Variants in COMMD1 observed in about 807,000 individuals in gnomAD.
COMMD1 encodes the protein COMM domain-containing protein 1.
COMMD1 carries 10 observed loss-of-function variants against 17.2 expected under a neutral mutation model. That is an observed-to-expected ratio of 0.58 (90% CI 0.36 to 0.99). The LOEUF is 0.99. COMMD1 is among the 50% of genes least tolerant of loss of function. COMMD1 has a pLI of 0.01. For missense variants in COMMD1, 270 were observed against 231.8 expected (o/e 1.17, Z -1.07); for synonymous variants, 97 against 91.6 (o/e 1.06, Z -0.34).
intron 2 of COMMD1, among the ~76,000 whole-genome samples, chr2:62,012,270 T>TAA (rs1440427838): frequency 1.5e-5 from 2 of 129,896 alleles, no homozygotes; most frequent in Non-Finnish European, 3.2e-5. Context: ...CACACACACA[T>TAA]ACACACACAC....
chr2:61,947,272 T>C (rs141031985), intron 1 of COMMD1, among the ~76,000 whole-genome samples: 39 of 152,368 alleles, frequency 2.6e-4, no homozygotes, highest in African/African-American at 8.7e-4. Context: ...ATATATTTAA[T>C]GAATACCTGT....
At chr2:61,911,173 T>C (rs1669896879) in intron 1 of COMMD1, among the ~76,000 whole-genome samples, 1 of 151,524 alleles carries the variant, frequency 6.6e-6, no homozygotes, top group Non-Finnish European at 1.5e-5. Context: ...TTTATATCAA[T>C]CAAATGTTAA....
intron 2 of COMMD1, among the ~76,000 whole-genome samples, chr2:62,085,095 A>AG (rs1558592262): frequency 6.6e-6 from 1 of 152,240 alleles, no homozygotes; most frequent in African/African-American, 2.4e-5. Flanking sequence ...TAAAGAGGTT[A>AG]GAATCTCTTT....
intron 2 of COMMD1, among the ~76,000 whole-genome samples, chr2:62,094,904 A>T (rs1671958322): frequency 6.6e-6 from 1 of 152,192 alleles, no homozygotes; most frequent in South Asian, 2.1e-4. Flanking sequence ...TTCAAATGGC[A>T]ATTTTATATT....
chr2:61,930,037 C>A (rs771552011), intron 1 of COMMD1, among the ~76,000 whole-genome samples: 1 of 152,016 alleles, frequency 6.6e-6, no homozygotes, highest in South Asian at 2.1e-4. Flanking sequence ...TCCTCCCCTA[C>A]AACCTTTTCT....
intron 1 of COMMD1, among the ~76,000 whole-genome samples, chr2:61,948,530 G>C (rs1670971042): frequency 6.6e-6 from 1 of 152,130 alleles, no homozygotes; most frequent in Admixed American, 6.5e-5. Context: ...ACAGACAAAA[G>C]CAGAGAATAT....
intron 2 of COMMD1, among the ~76,000 whole-genome samples, chr2:62,085,221 A>ATTTTTT (rs36006181): frequency 6.9e-6 from 1 of 144,414 alleles, no homozygotes; most frequent in Admixed American, 6.9e-5. Context: ...TACAGTTTGA[A>ATTTTTT]TTTTTTTTTT....
chr2:62,006,699 A>G (rs1455200733), intron 2 of COMMD1, among the ~76,000 whole-genome samples: 4 of 152,222 alleles, frequency 2.6e-5, no homozygotes, highest in Non-Finnish European at 5.9e-5. Context: ...GCCATAAATC[A>G]CTGTGAGATC....
intron 2 of COMMD1, among the ~76,000 whole-genome samples, chr2:62,063,753 A>G (rs533005716): frequency 5.3e-5 from 8 of 151,452 alleles, no homozygotes; most frequent in South Asian, 2.1e-4. Flanking sequence ...GGAGACTTCA[A>G]TATAGTGATT....
chr2:62,115,617 A>G (rs1200275731), intron 2 of COMMD1, among the ~76,000 whole-genome samples: 3 of 152,198 alleles, frequency 2.0e-5, no homozygotes, highest in Admixed American at 6.5e-5. Flanking sequence ...ACTGTATTAG[A>G]TAGTATTTAT....
At chr2:62,064,401 T>C in intron 2 of COMMD1, among the ~76,000 whole-genome samples, 1 of 152,160 alleles carries the variant, frequency 6.6e-6, no homozygotes, top group South Asian at 2.1e-4. Context: ...CTCGAATGCC[T>C]GACCTCGAGG....
intron 2 of COMMD1, among the ~76,000 whole-genome samples, chr2:62,004,854 T>G (rs1326104683): frequency 6.6e-6 from 1 of 152,218 alleles, no homozygotes; most frequent in Non-Finnish European, 1.5e-5. Flanking sequence ...GTTTTCACAC[T>G]GCTGACATTG....
At chr2:62,056,793 A>G (rs750615152) in intron 2 of COMMD1, among the ~76,000 whole-genome samples, 1 of 152,224 alleles carries the variant, frequency 6.6e-6, no homozygotes, top group Non-Finnish European at 1.5e-5. Flanking sequence ...TGAATAAGCC[A>G]GTGGAATCGA....
chr2:61,990,891 A>AAT (rs1221008534), intron 1 of COMMD1, among the ~76,000 whole-genome samples: 7 of 103,844 alleles, frequency 6.7e-5, no homozygotes, highest in Non-Finnish European at 1.1e-4. Flanking sequence ...AAAAAAAAAA[A>AAT]ATATATATAT....
chr2:62,015,595 A>G (rs943592356), intron 2 of COMMD1, among the ~76,000 whole-genome samples: 3 of 152,030 alleles, frequency 2.0e-5, no homozygotes, highest in Admixed American at 2.0e-4. Context: ...TAAGGAACTG[A>G]CAAACTATTT....
At chr2:62,007,199 GGTTGA>G (rs1441743831) in intron 2 of COMMD1, among the ~76,000 whole-genome samples, 3 of 151,702 alleles carry the variant, frequency 2.0e-5, no homozygotes, top group Non-Finnish European at 2.9e-5. Context: ...TCTAGTTTTG[GGTTGA>G]GTTTTTAGCA....
intron 2 of COMMD1, among the ~76,000 whole-genome samples, chr2:62,037,011 A>G (rs1174019285): frequency 6.6e-6 from 1 of 152,198 alleles, no homozygotes; most frequent in Non-Finnish European, 1.5e-5. Flanking sequence ...ACTTATGCCT[A>G]TAAATCAGGT....
chr2:62,041,599 C>T (rs1670202014), intron 2 of COMMD1, among the ~76,000 whole-genome samples: 1 of 152,136 alleles, frequency 6.6e-6, no homozygotes, highest in African/African-American at 2.4e-5. Flanking sequence ...CCATGTTGCC[C>T]AAGCTGGTCT....
chr2:61,914,818 G>A (rs1046762476), intron 1 of COMMD1, among the ~76,000 whole-genome samples: 1 of 151,378 alleles, frequency 6.6e-6, no homozygotes, highest in African/African-American at 2.4e-5. Flanking sequence ...AGCCACCCGA[G>A]TGGCTGGGAT....
Sources: gnomAD v4.1 joint callset for allele counts (sites outside exome capture counted in the v4.1 genomes callset) on GRCh38, gnomAD v4.1.1 for gene constraint, MANE v1.5 for transcripts, NCBI Gene and HGNC (gene_info 2026-07-23, HGNC 2026-07-21) for gene names.